CTDP1: variants seen among roughly 807,000 people sequenced by gnomAD.
CTDP1 encodes the protein CTD phosphatase 1.
Under a neutral mutation model 91.8 loss-of-function variants are expected in CTDP1, and 47 were observed. That is an observed-to-expected ratio of 0.51 (90% CI 0.41 to 0.65). The LOEUF is 0.65. Among genes scored for constraint, CTDP1 ranks in the 30% least tolerant of loss-of-function variants. The pLI, the probability that CTDP1 is intolerant of heterozygous loss-of-function variation, is 0.00. For missense variants in CTDP1, 1,272 were observed against 1,373.7 expected, an observed-to-expected ratio of 0.93 and a Z score of 1.17; for synonymous variants, 656 against 598.5, an observed-to-expected ratio of 1.10 and a Z score of -1.40.
chr18:79,678,215 G>A (rs1160535989), upstream of CTDP1: 1 of 152,198 alleles, frequency 6.6e-6, no homozygotes, highest in African/African-American at 2.4e-5. Flanking sequence ...ATCAGGCCGA[G>A]AGAGACATTC....
chr18:79,688,105 T>C (rs2122410918), intron 1 of CTDP1, among the ~76,000 whole-genome samples: 1 of 152,360 alleles, frequency 6.6e-6, no homozygotes, highest in Non-Finnish European at 1.5e-5. Context: ...GCCCCACCTG[T>C]GCGTGTTCTC....
intron 3 of CTDP1, among the ~76,000 whole-genome samples, chr18:79,696,847 G>A (rs1186556175): frequency 3.9e-5 from 6 of 152,208 alleles, no homozygotes; most frequent in South Asian, 2.1e-4. Context: ...CCGTCTCCCC[G>A]ACCTCGCTTC....
intron 6 of CTDP1, among the ~76,000 whole-genome samples, 164 bp from the exon 7 acceptor site, chr18:79,712,808 T>A (rs1399893696): frequency 6.6e-6 from 1 of 152,224 alleles, no homozygotes; most frequent in African/African-American, 2.4e-5. Context: ...GAGGTTTAAA[T>A]GCGACCCAAA....
At position 79,698,649 on chromosome 18, in the gene CTDP1, G is replaced by A. The variant is rs115857258; in HGVS notation, c.621+661G>A. Among the ~76,000 whole-genome samples, 540 of 152,286 alleles carry A rather than the reference G, an allele frequency of 3.5e-3. 4 individuals carry two copies. Among genetic ancestry groups the A allele is most frequent in the African/African-American group, 0.012 (482 of 41,554 alleles). ...GAGGCTTGTGTCGGCCTAGACGGTGGCCATCAGGGAGGCCCTCACCAACAC... is the reference window on the plus strand; with the variant it reads ...GAGGCTTGTGTCGGCCTAGACGGTGACCATCAGGGAGGCCCTCACCAACAC... On this transcript the variant is annotated intron_variant, in intron 4 of 12. Transcript: ENST00000613122.
At chr18:79,720,677 G>A (rs956893971) in intron 10 of CTDP1, among the ~76,000 whole-genome samples, 3 of 152,196 alleles carry the variant, frequency 2.0e-5, no homozygotes, top group African/African-American at 7.2e-5. Flanking sequence ...TTCCTGTTGC[G>A]GGCTGGTTGG....
chr18:79,714,103 G>T (rs758935712), intron 7 of CTDP1, among the ~76,000 whole-genome samples: 1 of 152,108 alleles, frequency 6.6e-6, no homozygotes, highest in Non-Finnish European at 1.5e-5. Context: ...GTGGCGCCAG[G>T]TCTGCAGCCC....
intron 12 of CTDP1, among the ~76,000 whole-genome samples, chr18:79,748,222 A>G (rs1025439705): frequency 2.6e-5 from 4 of 152,262 alleles, no homozygotes; most frequent in African/African-American, 9.6e-5. Context: ...TTTAATGACT[A>G]AAGTCCATTC....
Position 79,715,088 on chromosome 18 carries a change from G to C in CTDP1, c.1628G>C (p.Gly543Ala), listed in dbSNP as rs1228333701. ...GAGGGCGAGCGGGATGGCCTCTGCG[G>C]CCTGGGCAACGGCTGTGCCGACAGG... ...QEEGERDGLC[G>A]LGNGCADRKE... Residue 543 changes from glycine to alanine, a missense_variant, in exon 8 of 13, where the codon GGC (glycine) becomes GCC (alanine). By Grantham distance (60) the Gly-to-Ala change is moderately conservative (BLOSUM62 0). Around this residue, in one of 3 missense-constraint regions of CTDP1, gnomAD observed 881 missense variants for 911.6 expected, o/e 0.97. Transcript: ENST00000613122. 1 of 1,613,226 alleles carries C rather than the reference G, an allele frequency of 6.2e-7. No individual in the cohort carries two copies. The highest frequency in any genetic ancestry group is 8.5e-7 in the Non-Finnish European group (1 of 1,179,906).
Position 79,696,003 on chromosome 18 carries a change from A to G in CTDP1, c.425A>G (p.Gln142Arg), listed in dbSNP as rs748633530. Residue 142 changes from glutamine (Q) to arginine (R), a missense_variant, in exon 3 of 13, where the codon CAG (glutamine) becomes CGG (arginine). Coordinates refer to ENST00000613122, the MANE Select transcript of CTDP1 (RefSeq NM_004715.5). The stretch of plus-strand genomic sequence containing the variant: ...TTGCAGAGTAAGAACGGGAAGCAGC[A>G]GGTGCCGCTGTCCACGGCGACCGTG... Reference protein sequence around the residue: ...TQLQSKNGKQQVPLSTATVSM... With the variant: ...TQLQSKNGKQRVPLSTATVSM... 6.2e-7 allele frequency: 1 copy of G among 1,612,808 alleles called. No homozygotes were observed. Among genetic ancestry groups the G allele is most frequent in the Non-Finnish European group, 8.5e-7 (1 of 1,180,034 alleles).
In CTDP1 at chr18:79,704,814, G is replaced by A. The variant is rs146831211; in HGVS notation, c.669G>A (p.Thr223=). The change falls in exon 5 of 13, where the codon ACG becomes ACA. Residue 223 remains threonine (T), a synonymous_variant. Coordinates refer to ENST00000613122, the MANE Select transcript of CTDP1 (RefSeq NM_004715.5). ...QLGRGEPMLH[T]RLRPHCKDFL... is the part of the protein sequence containing the mutation. ...GCCGGGGTGAGCCCATGCTGCACAC[G>A]CGCCTGCGTCCACACTGCAAGGACT... 2.5e-4 allele frequency: 403 copies of A among 1,613,990 alleles called. 2 individuals carry two copies. The highest frequency in any genetic ancestry group is 1.8e-3 in the Middle Eastern group (11 of 6,062).
At position 79,705,062 on chromosome 18, in the gene CTDP1, G is replaced by A. The variant is rs115351526; in HGVS notation, c.772+145G>A. ...AGGGTTGGCCGTTGTGCAGGGGGTTGTGAGAGGTAAGGGAATTCTGCCACC... is the reference window on the plus strand; with the variant it reads ...AGGGTTGGCCGTTGTGCAGGGGGTTATGAGAGGTAAGGGAATTCTGCCACC... On this transcript the variant is annotated intron_variant, in intron 5 of 12. Transcript: ENST00000613122. The A allele has an allele frequency of 1.5e-3, 2,027 of 1,323,168 alleles. 19 individuals are homozygous for A. The African/African-American group carries it at 0.026, about 17-fold the overall frequency. The allele number at this position is 1,323,168 out of a possible 1,614,324, so 82.0% of individuals were successfully genotyped here.
chr18:79,684,222 G>A (rs1251833607), intron 1 of CTDP1, among the ~76,000 whole-genome samples: 3 of 152,226 alleles, frequency 2.0e-5, no homozygotes, highest in African/African-American at 7.2e-5. Context: ...TTGTACATGT[G>A]CAGCCAGCAT....
At chr18:79,739,201 T>G (rs1350685963) in intron 12 of CTDP1, among the ~76,000 whole-genome samples, 1 of 152,218 alleles carries the variant, frequency 6.6e-6, no homozygotes, top group Non-Finnish European at 1.5e-5. Flanking sequence ...ATAGTTTTTT[T>G]TTCTAATTAA....
upstream of CTDP1, chr18:79,678,157 T>C (rs2085276989): frequency 6.6e-6 from 1 of 152,174 alleles, no homozygotes; most frequent in South Asian, 2.1e-4. Context: ...ATTTAAATGG[T>C]TTTGAGAAAA....
rs141327749 is a variant in CTDP1, at chr18:79,711,104, T to A, written c.863+668T>A. 3.8e-3 allele frequency among the ~76,000 whole-genome samples: 572 copies of A among 152,194 alleles called. 1 individual carries two copies. The highest frequency in any genetic ancestry group is 0.014 in the Middle Eastern group (4 of 294). On this transcript the variant is annotated intron_variant, in intron 6 of 12. Transcript: ENST00000613122. ...GGGGACTGTCATCCTCTCTGCCTCG[T>A]CTCTGTTAGACAGCACAATTCGATG...
intron 5 of CTDP1, among the ~76,000 whole-genome samples, chr18:79,708,544 G>T (rs910364845): frequency 1.3e-5 from 2 of 152,230 alleles, no homozygotes; most frequent in Admixed American, 1.3e-4. Context: ...AGTGGACCCC[G>T]TGTGCCATGC....
Position 79,736,464 on chromosome 18 carries a change from G to A in CTDP1, c.2690G>A (p.Arg897Gln), listed in dbSNP as rs747760775. Residue 897 changes from arginine (R) to glutamine (Q), a missense_variant, in exon 12 of 13, where the codon CGG becomes CAG. By Grantham distance (43) the Arg-to-Gln change is conservative. Around this residue, in one of 3 missense-constraint regions of CTDP1, gnomAD observed 881 missense variants for 911.6 expected, o/e 0.97. Transcript: ENST00000613122. ...CGGAAGCCAGGGACCCGCAGGGAGC[G>A]GACGCTCGGGGCACCTGCGTCCAGC... ...QPRKPGTRRE[R>Q]TLGAPASSER... 2.5e-5 allele frequency: 38 copies of A among 1,548,700 alleles called. No homozygotes were observed. The highest frequency in any genetic ancestry group is 2.1e-4 in the South Asian group (18 of 83,970).
At chr18:79,730,389 C>T (rs924650339) in intron 11 of CTDP1, among the ~76,000 whole-genome samples, 1 of 152,164 alleles carries the variant, frequency 6.6e-6, no homozygotes, top group Non-Finnish European at 1.5e-5. Context: ...CTCCTGGTTT[C>T]CTGGTCGGGC....
chr18:79,729,709 A>G (rs1436112964), intron 11 of CTDP1, among the ~76,000 whole-genome samples: 1 of 152,156 alleles, frequency 6.6e-6, no homozygotes, highest in Non-Finnish European at 1.5e-5. Context: ...AGAAGGTTCC[A>G]CAACAGTCCG....
Sources: gnomAD v4.1 joint callset for allele counts (sites outside exome capture counted in the v4.1 genomes callset) on GRCh38, gnomAD v4.1.1 for gene constraint, gnomAD v4.1.1 regional missense constraint, MANE v1.5 for transcripts, NCBI Gene and HGNC (gene_info 2026-07-23, HGNC 2026-07-21) for gene names.